DSTN: variants seen among roughly 807,000 people sequenced by gnomAD.
DSTN encodes the protein destrin, actin depolymerizing factor, also known as destrin.
In DSTN, 10 loss-of-function variants were observed where a neutral mutation model predicts 16.8. That is an observed-to-expected ratio of 0.60 (90% CI 0.37 to 1.01). The LOEUF is 1.01. Among genes scored for constraint, DSTN ranks in the 50% least tolerant of loss-of-function variants. DSTN has a pLI of 0.01. For missense variants in DSTN, 141 were observed against 196.7 expected, an observed-to-expected ratio of 0.72 and a Z score of 1.69; for synonymous variants, 57 against 58.9, an observed-to-expected ratio of 0.97 and a Z score of 0.14.
chr20:17,604,714 T>G, intron 3 of DSTN, 83 bp downstream of exon 3: 1 of 1,347,364 alleles, frequency 7.4e-7, no homozygotes, highest in South Asian at 1.4e-5. Flanking sequence ...AAGCACCTTA[T>G]TTTTTTGCAG....
intron 1 of DSTN, among the ~76,000 whole-genome samples, chr20:17,577,927 A>C (rs761514273): frequency 1.1e-4 from 16 of 152,214 alleles, no homozygotes; most frequent in East Asian, 1.9e-4. Context: ...GATAAGAATA[A>C]ATTTTTAGAA....
chr20:17,589,462 C>T (rs555061085), intron 1 of DSTN, among the ~76,000 whole-genome samples: 57 of 152,236 alleles, frequency 3.7e-4, no homozygotes, highest in Non-Finnish European at 7.6e-4. Flanking sequence ...ATCTCAGGCT[C>T]CCAAAATTTT....
At position 17,609,623 on chromosome 20, in the gene DSTN, T is replaced by C. The variant is rs1038815435; in HGVS notation, c.*2477T>C. ...CAGAAATTGAATAAAATGCTAGTAGTTAGTCTCTAGGGGAACTTTTGAGAA... is the reference window on the plus strand; with the variant it reads ...CAGAAATTGAATAAAATGCTAGTAGCTAGTCTCTAGGGGAACTTTTGAGAA... On this transcript the variant is annotated 3_prime_UTR_variant, in exon 4 of 4. Transcript: ENST00000246069. The C allele has an allele frequency of 3.3e-5, 5 of 152,146 alleles. No homozygotes were observed. Among genetic ancestry groups the C allele is most frequent in the Non-Finnish European group, 7.4e-5 (5 of 68,018 alleles). The allele number at this position is 152,146 out of a possible 1,614,324, so 9.4% of individuals were successfully genotyped here. A position where few individuals can be genotyped will look rare whatever the true frequency, so the allele number is the denominator to read the frequency against.
intron 3 of DSTN, among the ~76,000 whole-genome samples, chr20:17,605,405 G>C (rs2035630909): frequency 6.6e-6 from 1 of 152,252 alleles, no homozygotes. Context: ...CCACCTTCCT[G>C]CCATGGCTGT....
At chr20:17,584,179 C>T (rs1356789746) in intron 1 of DSTN, among the ~76,000 whole-genome samples, 1 of 152,136 alleles carries the variant, frequency 6.6e-6, no homozygotes, top group Non-Finnish European at 1.5e-5. Flanking sequence ...TAGAATATAT[C>T]TGTAAAAACT....
chr20:17,583,780 A>G (rs2035375672), intron 1 of DSTN, among the ~76,000 whole-genome samples: 1 of 112,694 alleles, frequency 8.9e-6, no homozygotes, highest in Non-Finnish European at 1.7e-5. Flanking sequence ...TCTGTCACCC[A>G]GGTTGGAGTG....
chr20:17,571,389 G>T (rs887601181), intron 1 of DSTN, among the ~76,000 whole-genome samples: 2 of 152,204 alleles, frequency 1.3e-5, no homozygotes, highest in Admixed American at 6.5e-5. Context: ...GAACATGCAG[G>T]CGGCCCCTTA....
chr20:17,591,667 T>G lies in DSTN; in HGVS notation c.4-9071T>G, dbSNP rs188312624. Among the ~76,000 whole-genome samples, 93 of 152,350 alleles carry G rather than the reference T, an allele frequency of 6.1e-4. 1 individual carries two copies. The highest frequency in any genetic ancestry group is 2.2e-3 in the African/African-American group (92 of 41,584). The stretch of plus-strand genomic sequence containing the variant: ...CCCAGATATTCTGAATCAGAATCTT[T>G]AAAATCTGCAGGTGATTCCTGTGCA... On this transcript the variant is annotated intron_variant, in intron 1 of 3. Transcript: ENST00000246069.
At chr20:17,579,309 T>C (rs1377312430) in intron 1 of DSTN, among the ~76,000 whole-genome samples, 1 of 152,148 alleles carries the variant, frequency 6.6e-6, no homozygotes, top group East Asian at 1.9e-4. Flanking sequence ...GTGTGGAGGC[T>C]CATGCCTGTA....
At chr20:17,591,786 C>A in intron 1 of DSTN, 1 of 608,656 alleles carries the variant, frequency 1.6e-6, no homozygotes, top group Non-Finnish European at 2.1e-6. Context: ...CCTAAGGTGA[C>A]ATAGCTAGTT....
At chr20:17,573,546 T>C (rs1274590468) in intron 1 of DSTN, among the ~76,000 whole-genome samples, 1 of 152,202 alleles carries the variant, frequency 6.6e-6, no homozygotes, top group East Asian at 1.9e-4. Flanking sequence ...CCCCAGTGTG[T>C]ATCTCTCCAT....
At chr20:17,606,189 A>G (rs2122214005) in intron 3 of DSTN, among the ~76,000 whole-genome samples, 1 of 152,140 alleles carries the variant, frequency 6.6e-6, no homozygotes, top group Non-Finnish European at 1.5e-5. Context: ...AGTCCTGAGT[A>G]GTTCAAAAGC....
chr20:17,588,689 C>T (rs530642422), intron 1 of DSTN, among the ~76,000 whole-genome samples: 5 of 152,194 alleles, frequency 3.3e-5, no homozygotes, highest in African/African-American at 1.2e-4. Flanking sequence ...GAGGCTGAGG[C>T]AGGAGAATGG....
Position 17,603,561 on chromosome 20 carries a change from G to A in DSTN, c.312-994G>A, listed in dbSNP as rs143902259. Among the ~76,000 whole-genome samples, 391 of 152,248 alleles carry A rather than the reference G, an allele frequency of 2.6e-3. 2 individuals carry two copies. Among genetic ancestry groups the A allele is most frequent in the African/African-American group, 8.7e-3 (360 of 41,536 alleles). On this transcript the variant is annotated intron_variant, in intron 2 of 3. Transcript: ENST00000246069. ...CATGGAGGTGGGCCTATGGGTTGGCGTACAGAGGAAAGAAGGACCTCCGTG... is the reference window on the plus strand; with the variant it reads ...CATGGAGGTGGGCCTATGGGTTGGCATACAGAGGAAAGAAGGACCTCCGTG...
intron 2 of DSTN, 106 bp from the exon 3 acceptor site, chr20:17,604,444 CAGGAG>C: frequency 9.0e-7 from 1 of 1,115,766 alleles, no homozygotes; most frequent in Non-Finnish European, 1.3e-6. Flanking sequence ...AAAAATATCT[CAGGAG>C]AGTCTGAGGA....
rs1043584353 is a variant in DSTN, at chr20:17,609,062, T to G, written c.*1916T>G. ...AGTGCAGTCTAGGGTGGGGAACATTTTAATGTTGATCCACATGCCAGGTGT... is the reference window on the plus strand; with the variant it reads ...AGTGCAGTCTAGGGTGGGGAACATTGTAATGTTGATCCACATGCCAGGTGT... On this transcript the variant is annotated 3_prime_UTR_variant, in exon 4 of 4. Coordinates refer to ENST00000246069, the MANE Select transcript of DSTN (RefSeq NM_006870.4). 1 of 152,226 alleles carries G rather than the reference T, an allele frequency of 6.6e-6. No homozygotes were observed. Among genetic ancestry groups the G allele is most frequent in the Non-Finnish European group, 1.5e-5 (1 of 68,044 alleles). The allele number at this position is 152,226 out of a possible 1,614,324, so 9.4% of individuals were successfully genotyped here.
intron 1 of DSTN, among the ~76,000 whole-genome samples, chr20:17,574,419 C>T (rs1235972334): frequency 6.6e-6 from 1 of 152,120 alleles, no homozygotes; most frequent in South Asian, 2.1e-4. Flanking sequence ...TTGCCAAGGG[C>T]TGTGGAGATT....
rs946459673 is a variant in DSTN, at chr20:17,609,271, A to G, written c.*2125A>G. 1 of 152,182 alleles carries G rather than the reference A, an allele frequency of 6.6e-6. No homozygotes were observed. The highest frequency in any genetic ancestry group is 2.4e-5 in the African/African-American group (1 of 41,432). 9.4% of individuals were successfully genotyped at this position (152,182 alleles called of 1,614,324 possible). On this transcript the variant is annotated 3_prime_UTR_variant, in exon 4 of 4. Transcript: ENST00000246069. Reference sequence around the variant, plus strand: ...CAGGCTAGAGTGCAGTGGTGCAATCATAACTCACTGCATCCTTGAACTCTT... The same window carrying G: ...CAGGCTAGAGTGCAGTGGTGCAATCGTAACTCACTGCATCCTTGAACTCTT...
Position 17,608,599 on chromosome 20 carries a change from C to T in DSTN, c.*1453C>T, listed in dbSNP as rs2035666164. 1 of 140,640 alleles carries T rather than the reference C, an allele frequency of 7.1e-6. No individual in the cohort carries two copies. Among genetic ancestry groups the T allele is most frequent in the South Asian group, 2.3e-4 (1 of 4,318 alleles). The allele number at this position is 140,640 out of a possible 1,614,324, so 8.7% of individuals were successfully genotyped here. On this transcript the variant is annotated 3_prime_UTR_variant, in exon 4 of 4. Transcript: ENST00000246069. ...TGCCACTGTACTCCAGCCTGGATGA[C>T]AGAGCAAGACCTTGTCTCAAAAAAA...
Sources: allele counts gnomAD v4.1 joint callset (sites outside exome capture counted in the v4.1 genomes callset), GRCh38; gene constraint gnomAD v4.1.1; transcripts MANE v1.5; gene names NCBI Gene and HGNC (gene_info 2026-07-23, HGNC 2026-07-21).